PTPRT: variants seen among roughly 807,000 people sequenced by gnomAD.
PTPRT encodes receptor-type tyrosine-protein phosphatase T.
In PTPRT, 56 loss-of-function variants were observed where a neutral mutation model predicts 176.8. The observed-to-expected ratio is 0.32, with a 90% CI of 0.26 to 0.40. The LOEUF is 0.40. PTPRT is among the 10% of genes least tolerant of loss of function. The pLI, the probability that PTPRT is intolerant of heterozygous loss-of-function variation, is 1.00. For synonymous variants in PTPRT, 783 were observed against 739.0 expected (o/e 1.06, Z -0.96); for missense variants, 1,540 against 1,908.2 (o/e 0.81, Z 3.60).
At chr20:42,790,253 GC>G (rs2077353643) in intron 3 of PTPRT, among the ~76,000 whole-genome samples, 1 of 151,770 alleles carries the variant, frequency 6.6e-6, no homozygotes, top group South Asian at 2.1e-4. Flanking sequence ...ACTTTCAATG[GC>G]CCCAGGCCAA....
the PTPRT span, among the ~76,000 whole-genome samples, chr20:42,062,680 C>A: frequency 1.3e-5 from 2 of 152,210 alleles, no homozygotes; most frequent in African/African-American, 4.8e-5. Flanking sequence ...GGCCTCTGCC[C>A]CCTTTTTTTC....
intron 1 of PTPRT, among the ~76,000 whole-genome samples, chr20:42,905,333 T>C (rs566023572): frequency 3.7e-4 from 57 of 152,242 alleles, no homozygotes; most frequent in African/African-American, 1.3e-3. Flanking sequence ...TCATCACTGG[T>C]CATCAGAGAA....
intron 9 of PTPRT, among the ~76,000 whole-genome samples, chr20:42,392,246 T>C (rs2058807009): frequency 6.6e-6 from 1 of 152,206 alleles, no homozygotes; most frequent in Non-Finnish European, 1.5e-5. Context: ...AGACCTTGCA[T>C]GAAATGTCTT....
At chr20:42,485,215 T>C (rs984652085) in intron 7 of PTPRT, among the ~76,000 whole-genome samples, 4 of 152,042 alleles carry the variant, frequency 2.6e-5, no homozygotes, top group Non-Finnish European at 4.4e-5. Flanking sequence ...AGATTTGGGG[T>C]GAAGAAAAGG....
At chr20:43,137,784 G>A (rs539947224) in intron 1 of PTPRT, among the ~76,000 whole-genome samples, 19 of 152,040 alleles carry the variant, frequency 1.2e-4, no homozygotes, top group African/African-American at 1.9e-4. Flanking sequence ...ACACACACGC[G>A]CGTACACACA....
In PTPRT at chr20:42,982,209, C is replaced by T. The variant is rs573477014; in HGVS notation, c.89-96277G>A. Among the ~76,000 whole-genome samples, 12 of 152,246 alleles carry T rather than the reference C, an allele frequency of 7.9e-5. No homozygotes were observed. The South Asian group carries it at 2.5e-3, about 32-fold the overall frequency. Reference sequence around the variant, plus strand: ...CATGAGTTTCTGCCTACACTTACCACCAAATTTTCAAACGTACTCAGCATC... The same window carrying T: ...CATGAGTTTCTGCCTACACTTACCATCAAATTTTCAAACGTACTCAGCATC... On this transcript the variant is annotated intron_variant, in intron 1 of 30. Transcript: ENST00000373187.
chr20:42,696,098 C>T (rs1377560739), intron 6 of PTPRT, among the ~76,000 whole-genome samples: 1 of 151,612 alleles, frequency 6.6e-6, no homozygotes, highest in Non-Finnish European at 1.5e-5. Flanking sequence ...TGCCTCTCTC[C>T]TTCTCTCTTC....
chr20:42,306,333 G>C (rs1328668135), intron 12 of PTPRT, among the ~76,000 whole-genome samples: 1 of 152,180 alleles, frequency 6.6e-6, no homozygotes, highest in African/African-American at 2.4e-5. Flanking sequence ...ATGGAGGCCT[G>C]GAAGCAGGGA....
intron 26 of PTPRT, among the ~76,000 whole-genome samples, chr20:42,100,587 A>G (rs1985836153): frequency 1.3e-5 from 2 of 152,334 alleles, no homozygotes; most frequent in African/African-American, 4.8e-5. Flanking sequence ...AGTAGAGGCC[A>G]GGAGCTTATT....
intron 19 of PTPRT, among the ~76,000 whole-genome samples, chr20:42,127,392 GTCTCTCTCTCTT>G (rs1009156941): frequency 3.3e-5 from 5 of 151,880 alleles, no homozygotes; most frequent in South Asian, 2.1e-4. Flanking sequence ...CTGTCTGTCT[GTCTCTCTCTCTT>G]TCTCTCTCTC....
chr20:42,135,951 C>T (rs1035861989), intron 18 of PTPRT, among the ~76,000 whole-genome samples: 9 of 152,190 alleles, frequency 5.9e-5, no homozygotes, highest in African/African-American at 2.2e-4. Context: ...CCTCTAAGTT[C>T]TCAGTCTCCA....
At chr20:42,721,026 C>T (rs984199226) in intron 6 of PTPRT, among the ~76,000 whole-genome samples, 1 of 152,120 alleles carries the variant, frequency 6.6e-6, no homozygotes, top group Admixed American at 6.5e-5. Flanking sequence ...AAGTGTCAAA[C>T]AAGAGGAATG....
At chr20:42,920,667 G>A (rs1979089287) in intron 1 of PTPRT, among the ~76,000 whole-genome samples, 1 of 151,906 alleles carries the variant, frequency 6.6e-6, no homozygotes, top group Admixed American at 6.6e-5. Flanking sequence ...GAGCAATTTG[G>A]GTCAAAAGAA....
the PTPRT span, among the ~76,000 whole-genome samples, chr20:42,042,862 G>A: frequency 6.6e-6 from 1 of 152,244 alleles, no homozygotes; most frequent in Non-Finnish European, 1.5e-5. Context: ...TGTGTAGTGT[G>A]GTATTGGATC....
chr20:42,162,926 C>T (rs1035840037), intron 16 of PTPRT, among the ~76,000 whole-genome samples: 8 of 152,222 alleles, frequency 5.3e-5, no homozygotes, highest in East Asian at 1.9e-4. Context: ...GAAGGGAACA[C>T]CTGACCTTCC....
chr20:43,179,916 A>G (rs1555844252), intron 1 of PTPRT, among the ~76,000 whole-genome samples: 3 of 152,108 alleles, frequency 2.0e-5, no homozygotes, highest in Non-Finnish European at 4.4e-5. Flanking sequence ...GGTTAATCCT[A>G]TGTGTCAACT....
chr20:42,340,745 G>A (rs980937719), intron 11 of PTPRT, among the ~76,000 whole-genome samples: 3 of 152,178 alleles, frequency 2.0e-5, no homozygotes, highest in African/African-American at 4.8e-5. Flanking sequence ...GACAGAGACC[G>A]AGAGCCATCG....
At chr20:42,666,730 C>T (rs2146023914) in intron 7 of PTPRT, among the ~76,000 whole-genome samples, 1 of 152,292 alleles carries the variant, frequency 6.6e-6, no homozygotes, top group Non-Finnish European at 1.5e-5. Flanking sequence ...TTTTCATATA[C>T]ATGCTGCACA....
At chr20:42,144,445 G>A (rs1988772611) in intron 17 of PTPRT, among the ~76,000 whole-genome samples, 2 of 152,128 alleles carry the variant, frequency 1.3e-5, no homozygotes, top group Admixed American at 1.3e-4. Context: ...CCAGAGCTTA[G>A]GGATAGGGAA....
Sources: gnomAD v4.1 joint callset for allele counts (sites outside exome capture counted in the v4.1 genomes callset) on GRCh38, gnomAD v4.1.1 for gene constraint, MANE v1.5 for transcripts, NCBI Gene and HGNC (gene_info 2026-07-23, HGNC 2026-07-21) for gene names.